Variants in PARG observed in about 807,000 individuals in gnomAD.
PARG encodes poly(ADP-ribose) glycohydrolase, also known as mitochondrial poly(ADP-ribose) glycohydrolase.
Under a neutral mutation model 113.0 loss-of-function variants are expected in PARG, and 35 were observed. The observed-to-expected ratio is 0.31, with a 90% confidence interval of 0.24 to 0.41. The LOEUF (loss-of-function observed/expected upper bound fraction) is 0.41. Ranked by LOEUF, PARG falls within the 10% of genes least tolerant of loss-of-function variation. PARG has a pLI of 1.00. For synonymous variants in PARG, 330 were observed against 409.9 expected (o/e 0.81, Z 2.36); for missense variants, 797 against 1,169.4 (o/e 0.68, Z 4.64).
intron 7 of PARG, among the ~76,000 whole-genome samples, chr10:49,897,362 C>T (rs1848138102): frequency 6.6e-6 from 1 of 152,202 alleles, no homozygotes; most frequent in Non-Finnish European, 1.5e-5. Context: ...ACGAACTATG[C>T]TTCAGGACTC....
chr10:49,825,044 T>A (rs893479603), intron 16 of PARG, among the ~76,000 whole-genome samples: 3 of 152,138 alleles, frequency 2.0e-5, no homozygotes, highest in Non-Finnish European at 4.4e-5. Flanking sequence ...TTGAAAGTAC[T>A]ATGCATGTCC....
At chr10:49,924,346 A>G (rs1441074201) in intron 4 of PARG, among the ~76,000 whole-genome samples, 11 of 152,222 alleles carry the variant, frequency 7.2e-5, no homozygotes, top group African/African-American at 2.7e-4. Context: ...ACTGCAGAGC[A>G]TAATCACATA....
intron 6 of PARG, among the ~76,000 whole-genome samples, chr10:49,921,767 ACT>A (rs1345579901): frequency 2.0e-5 from 3 of 151,762 alleles, no homozygotes; most frequent in African/African-American, 7.2e-5. Context: ...ATACACACAC[ACT>A]CTCACTCATA....
intron 15 of PARG, among the ~76,000 whole-genome samples, chr10:49,841,642 G>A (rs1554832308): frequency 1.3e-5 from 2 of 152,130 alleles, no homozygotes; most frequent in African/African-American, 2.4e-5. Context: ...AAAATTTTCA[G>A]AGCTCATTTG....
chr10:49,844,754 C>T (rs1845424146), intron 13 of PARG, among the ~76,000 whole-genome samples: 2 of 151,324 alleles, frequency 1.3e-5, no homozygotes, highest in African/African-American at 4.9e-5. Flanking sequence ...CATCTCAAAA[C>T]AAAAACAAAA....
At chr10:49,916,357 T>C (rs1837471364) in intron 6 of PARG, among the ~76,000 whole-genome samples, 1 of 152,120 alleles carries the variant, frequency 6.6e-6, no homozygotes, top group Admixed American at 6.5e-5. Context: ...TCAGATTATA[T>C]ATACACAGAC....
chr10:49,910,770 T>C (rs553631676), intron 7 of PARG, among the ~76,000 whole-genome samples: 1 of 152,320 alleles, frequency 6.6e-6, no homozygotes, highest in South Asian at 2.1e-4. Context: ...TTATACTTAT[T>C]GTGAATATTC....
At chr10:49,893,173 A>G (rs1294367185) in intron 7 of PARG, among the ~76,000 whole-genome samples, 1 of 151,978 alleles carries the variant, frequency 6.6e-6, no homozygotes, top group Non-Finnish European at 1.5e-5. Context: ...CTTTTCCAAC[A>G]TTGTAGTACA....
intron 4 of PARG, among the ~76,000 whole-genome samples, chr10:49,924,982 G>T (rs1245817553): frequency 6.6e-6 from 1 of 151,728 alleles, no homozygotes; most frequent in Non-Finnish European, 1.5e-5. Flanking sequence ...TCTGCCTTCT[G>T]TCAGGTCAGT....
At chr10:49,915,847 G>C (rs1489857268) in intron 7 of PARG, 70 bp downstream of exon 7, 120 of 774,632 alleles carry the variant, frequency 1.5e-4, no homozygotes, top group Non-Finnish European at 1.6e-4. Flanking sequence ...GCAGAATTAT[G>C]GGTATTCTTC....
chr10:49,941,328 C>T lies in PARG; in HGVS notation c.217+181G>A, dbSNP rs1159651946. 1.1e-4 allele frequency among the ~76,000 whole-genome samples: 17 copies of T among 152,248 alleles called. No individual in the cohort carries two copies. The South Asian group carries it at 3.1e-3, about 28-fold the overall frequency. ...GCTCATCAGAGTTTCTCACATCAAT[C>T]GCACTGGGAAAAATGCGGCCCCATT... On this transcript the variant is annotated intron_variant, in intron 1 of 17. Coordinates refer to ENST00000616448, the MANE Select transcript of PARG (RefSeq NM_003631.5).
chr10:49,860,951 T>C (rs2132537439), intron 12 of PARG, among the ~76,000 whole-genome samples: 1 of 151,986 alleles, frequency 6.6e-6, no homozygotes, highest in Admixed American at 6.6e-5. Context: ...CACGGGGCTT[T>C]TGTTAACCCC....
intron 7 of PARG, among the ~76,000 whole-genome samples, chr10:49,901,477 G>T (rs1346330092): frequency 1.3e-5 from 2 of 150,688 alleles, no homozygotes; most frequent in Non-Finnish European, 3.0e-5. Flanking sequence ...TATAAAATGT[G>T]CCATGCAAAT....
rs1242899210 is a variant in PARG at position 49,933,461 on chromosome 10, T to C, written c.987A>G (p.Gln329=). ...CTGTTTGGGAGGAACTACCATCTTC[T>C]TGTTCATCAAAACCTGGACTTGTCT... ...DEETSPGFDE[Q]EDGSSSQTAN... is the part of the protein sequence containing the mutation. The change falls in exon 3 of 18, where the codon CAA becomes CAG. Residue 329 remains glutamine, a synonymous_variant. Transcript: ENST00000616448. The C allele has an allele frequency of 4.3e-6, 7 of 1,612,272 alleles. No individual in the cohort carries two copies. Among genetic ancestry groups the C allele is most frequent in the African/African-American group, 1.3e-5 (1 of 74,916 alleles).
At chr10:49,929,755 G>A (rs1224097693) in intron 4 of PARG, among the ~76,000 whole-genome samples, 2 of 151,626 alleles carry the variant, frequency 1.3e-5, no homozygotes, top group Non-Finnish European at 2.9e-5. Context: ...GAACCCGGGA[G>A]GTGGAAGTTG....
rs1425217643 is a variant in PARG at position 49,895,231 on chromosome 10, T to C, written c.1738-9936A>G. Reference sequence around the variant, plus strand: ...TACTGTCTTGTTTACTGTAGTCTTATTGTAAGTATCCAAAGCAATTCACGT... The same window carrying C: ...TACTGTCTTGTTTACTGTAGTCTTACTGTAAGTATCCAAAGCAATTCACGT... On this transcript the variant is annotated intron_variant, in intron 7 of 17. Transcript: ENST00000616448. 3.3e-5 allele frequency among the ~76,000 whole-genome samples: 5 copies of C among 152,342 alleles called. No individual in the cohort carries two copies. In the East Asian group the frequency reaches 9.6e-4, roughly 29 times the overall value.
At chr10:49,923,319 GATT>G (rs1176396541) in intron 4 of PARG, among the ~76,000 whole-genome samples, 1 of 151,988 alleles carries the variant, frequency 6.6e-6, no homozygotes, top group Non-Finnish European at 1.5e-5. Flanking sequence ...TGTTTTGTTA[GATT>G]ATTATCATGC....
Position 49,932,100 on chromosome 10 carries a change from C to A in PARG, c.1455G>T (p.Arg485=). ...ATCATAGATAAGAGGTGCTACCTAC[C>A]CGAATAGTTACTGTGTGATTGGCAG... ...RPSANHTVTI[R]VDLLRAGEVP... is the part of the protein sequence containing the mutation. The change falls in exon 4 of 18, where the codon CGG becomes CGT. Residue 485 remains arginine (R), a splice_region_variant and synonymous_variant. Coordinates refer to ENST00000616448, the MANE Select transcript of PARG (RefSeq NM_003631.5). The A allele has an allele frequency of 6.4e-7, 1 of 1,566,696 alleles. No homozygotes were observed. Among genetic ancestry groups the A allele is most frequent in the African/African-American group, 1.3e-5 (1 of 74,244 alleles).
chr10:49,895,547 G>A (rs1848040586), intron 7 of PARG, among the ~76,000 whole-genome samples: 1 of 151,916 alleles, frequency 6.6e-6, no homozygotes, highest in Admixed American at 6.6e-5. Context: ...GGGAGTATAT[G>A]TGCCCGCCAC....
Sources: allele counts gnomAD v4.1 joint callset (sites outside exome capture counted in the v4.1 genomes callset), GRCh38; gene constraint gnomAD v4.1.1; transcripts MANE v1.5; gene names NCBI Gene and HGNC (gene_info 2026-07-23, HGNC 2026-07-21).